Variants in DNM2 observed in about 807,000 individuals in gnomAD.
The protein encoded by DNM2 is dynamin-2.
DNM2 carries 15 observed loss-of-function variants against 99.0 expected under a neutral mutation model. That is an observed-to-expected ratio of 0.15 (90% CI 0.10 to 0.23). DNM2 has a LOEUF of 0.23. DNM2 is among the 10% of genes least tolerant of loss of function. DNM2 has a pLI of 1.00. For missense variants in DNM2, 742 were observed against 1,189.4 expected, an observed-to-expected ratio of 0.62 and a Z score of 5.53; for synonymous variants, 525 against 481.2, an observed-to-expected ratio of 1.09 and a Z score of -1.19.
intron 1 of DNM2, among the ~76,000 whole-genome samples, chr19:10,736,376 T>C (rs1193424054): frequency 6.6e-6 from 1 of 152,022 alleles, no homozygotes. Context: ...CCTTCCACAG[T>C]GCTGGCATTA....
intron 15 of DNM2, among the ~76,000 whole-genome samples, chr19:10,819,691 A>C (rs1034894729): frequency 2.0e-5 from 3 of 152,020 alleles, no homozygotes; most frequent in African/African-American, 7.2e-5. Context: ...GTGCGGGTAG[A>C]GTTAGGGCAG....
In DNM2 at chr19:10,772,741, A is replaced by G; in HGVS notation, c.385+113A>G. The G allele has an allele frequency of 3.3e-6, 5 of 1,495,586 alleles. No individual in the cohort carries two copies. The highest frequency in any genetic ancestry group is 4.6e-6 in the Non-Finnish European group (5 of 1,097,310). 92.6% of individuals were successfully genotyped at this position (1,495,586 alleles called of 1,614,324 possible). On this transcript the variant is annotated intron_variant, in intron 3 of 20. Coordinates refer to ENST00000389253, the MANE Select transcript of DNM2 (RefSeq NM_001005361.3). The surrounding 1 kb of genome is among the most constrained non-coding windows in gnomAD (Gnocchi z 4.9). ...GGGTATCATGTGCCCATTCACAAAC[A>G]GTTGATATTCACACACACATAGCCC...
intron 1 of DNM2, among the ~76,000 whole-genome samples, chr19:10,730,008 A>G (rs557763389): frequency 1.3e-5 from 2 of 152,046 alleles, no homozygotes; most frequent in Non-Finnish European, 2.9e-5. Context: ...GACAACAACC[A>G]CATGCCACCA....
In DNM2 at chr19:10,825,069, G is replaced by A; in HGVS notation, c.1906G>A (p.Asp636Asn). The change falls in exon 18 of 21, where the codon GAT (aspartate) becomes AAT (asparagine). Residue 636 changes from aspartate to asparagine, a missense_variant. Around this residue, in one of 7 missense-constraint regions of DNM2, gnomAD observed 240 missense variants for 431.3 expected, o/e 0.56. Coordinates refer to ENST00000389253, the MANE Select transcript of DNM2 (RefSeq NM_001005361.3). Reference protein sequence around the residue: ...YPEKDQAENEDGAQENTFSMD... With the variant: ...YPEKDQAENENGAQENTFSMD... The stretch of plus-strand genomic sequence containing the variant: ...CTCCCGCTTGCAGGCAGAAAACGAG[G>A]ATGGGGCCCAGGAGAACACCTTCTC... 6.2e-7 allele frequency: 1 copy of A among 1,614,116 alleles called. No individual in the cohort carries two copies. Among genetic ancestry groups the A allele is most frequent in the Non-Finnish European group, 8.5e-7 (1 of 1,180,008 alleles).
chr19:10,815,047 G>A (rs76474212), intron 15 of DNM2, among the ~76,000 whole-genome samples: 1,567 of 152,302 alleles, frequency 0.01, 22 homozygotes, highest in African/African-American at 0.036. Flanking sequence ...CAATGGATTT[G>A]CGTCTGTAAC....
intron 13 of DNM2, among the ~76,000 whole-genome samples, chr19:10,807,429 A>AG (rs1246624013): frequency 6.8e-6 from 1 of 147,472 alleles, no homozygotes; most frequent in Non-Finnish European, 1.5e-5. Context: ...TTTAGTAGAG[A>AG]GGGGGTTTCA....
At chr19:10,819,562 T>C (rs2072900214) in intron 15 of DNM2, among the ~76,000 whole-genome samples, 1 of 152,066 alleles carries the variant, frequency 6.6e-6, no homozygotes, top group Admixed American at 6.6e-5. Context: ...GAAACTTGAG[T>C]CAGTCCAGTG....
intron 2 of DNM2, among the ~76,000 whole-genome samples, chr19:10,766,853 G>C (rs1165806485): frequency 1.3e-5 from 2 of 152,146 alleles, no homozygotes; most frequent in African/African-American, 4.8e-5. Context: ...TGCCAGGCTG[G>C]GTCCCTCAGA....
Position 10,817,793 on chromosome 19 carries a change from A to G in DNM2, c.1672-2187A>G, listed in dbSNP as rs976570176. 8.4e-5 allele frequency among the ~76,000 whole-genome samples: 12 copies of G among 142,660 alleles called. No individual in the cohort carries two copies. The highest frequency in any genetic ancestry group is 2.8e-4 in the African/African-American group (11 of 38,850). The allele number at this position is 142,660 out of a possible 152,430, so 93.6% of individuals were successfully genotyped here. ...GGTCGGGGGTGGGGAGGAGGGGCGCACACACACGTGTGTGTGTGTGTGTGC... is the reference window on the plus strand; with the variant it reads ...GGTCGGGGGTGGGGAGGAGGGGCGCGCACACACGTGTGTGTGTGTGTGTGC... On this transcript the variant is annotated intron_variant, in intron 15 of 20. Transcript: ENST00000389253. This position sits in a 1 kb window ranked among gnomAD's most constrained non-coding sequence, Gnocchi z 4.6.
Position 10,816,979 on chromosome 19 carries a change from C to A in DNM2, c.1672-3001C>A, listed in dbSNP as rs1157918675. ...CCGGCCGTAATGAGAAACAGCCGACCTGTGAAAGGGGCCCTGTGTGAGCCC... is the reference window on the plus strand; with the variant it reads ...CCGGCCGTAATGAGAAACAGCCGACATGTGAAAGGGGCCCTGTGTGAGCCC... On this transcript the variant is annotated intron_variant, in intron 15 of 20. Transcript: ENST00000389253. This position sits in a 1 kb window ranked among gnomAD's most constrained non-coding sequence, Gnocchi z 4.6. Among the ~76,000 whole-genome samples, 2 of 152,158 alleles carry A rather than the reference C, an allele frequency of 1.3e-5. No homozygotes were observed. Among genetic ancestry groups the A allele is most frequent in the African/African-American group, 4.8e-5 (2 of 41,440 alleles).
At chr19:10,797,862 T>G (rs1374689125) in intron 10 of DNM2, among the ~76,000 whole-genome samples, 1 of 152,154 alleles carries the variant, frequency 6.6e-6, no homozygotes, top group African/African-American at 2.4e-5. Flanking sequence ...CTGCATGTTC[T>G]CACAGTCTAG....
intron 7 of DNM2, among the ~76,000 whole-genome samples, chr19:10,787,253 T>C (rs1049720966): frequency 4.0e-5 from 6 of 151,896 alleles, no homozygotes; most frequent in African/African-American, 1.5e-4. Context: ...GCGGATCATG[T>C]CAGGAGATCG....
At chr19:10,815,944 C>T (rs1453128316) in intron 15 of DNM2, among the ~76,000 whole-genome samples, 1 of 152,110 alleles carries the variant, frequency 6.6e-6, no homozygotes, top group East Asian at 1.9e-4. Context: ...GGCCTCTTGG[C>T]TATGGACCCC....
At chr19:10,726,603 C>T (rs1408688230) in intron 1 of DNM2, among the ~76,000 whole-genome samples, 2 of 152,064 alleles carry the variant, frequency 1.3e-5, no homozygotes, top group African/African-American at 2.4e-5. Context: ...ATTTTGTGTA[C>T]GGTGATGAGA....
intron 1 of DNM2, among the ~76,000 whole-genome samples, chr19:10,725,496 G>C (rs1167271683): frequency 6.6e-6 from 1 of 151,912 alleles, no homozygotes. Flanking sequence ...GCTCGGTTAG[G>C]GTGGTCTGCA....
At chr19:10,797,357 A>T in intron 9 of DNM2, 23 bp from the exon 10 acceptor site, 1 of 1,611,140 alleles carries the variant, frequency 6.2e-7, no homozygotes. Context: ...TTTCTGCCTC[A>T]TCCTGCCCTC....
intron 7 of DNM2, among the ~76,000 whole-genome samples, chr19:10,789,940 C>T (rs1225876299): frequency 1.3e-5 from 2 of 152,262 alleles, no homozygotes; most frequent in African/African-American, 2.4e-5. Context: ...CCCTGTCCCC[C>T]GGGGCTTAGC....
At chr19:10,807,298 T>C (rs1374474700) in intron 13 of DNM2, among the ~76,000 whole-genome samples, 3 of 152,034 alleles carry the variant, frequency 2.0e-5, no homozygotes, top group Non-Finnish European at 4.4e-5. Flanking sequence ...TGGAGTGCAG[T>C]GGCACGATTT....
chr19:10,752,948 A>G (rs2070249278), intron 1 of DNM2, among the ~76,000 whole-genome samples: 1 of 151,998 alleles, frequency 6.6e-6, no homozygotes. Flanking sequence ...TCTGTCTGTT[A>G]AAGAAACAAA....
Sources: gnomAD v4.1 joint callset for allele counts (sites outside exome capture counted in the v4.1 genomes callset) on GRCh38, gnomAD v4.1.1 for gene constraint, gnomAD v4.1.1 regional missense constraint, Gnocchi (gnomAD v3.1) non-coding constraint, MANE v1.5 for transcripts, NCBI Gene and HGNC (gene_info 2026-07-23, HGNC 2026-07-21) for gene names.